The following GOLGA2 variants were observed in gnomAD, a reference collection of about 807,000 sequenced individuals.
GOLGA2 encodes golgin subfamily A member 2.
GOLGA2 carries 49 observed loss-of-function variants against 148.8 expected under a neutral mutation model. The ratio of observed to expected loss-of-function variants is 0.33; its 90% CI spans 0.26 to 0.42. GOLGA2 has a LOEUF of 0.42. Among genes scored for constraint, GOLGA2 ranks in the 10% least tolerant of loss-of-function variants. The probability of loss-of-function intolerance (pLI) is 1.00; values close to 1 mark genes in which losing one functional copy is unlikely to be tolerated. For missense variants in GOLGA2, 1,178 were observed against 1,304.6 expected (o/e 0.90, Z 1.49); for synonymous variants, 501 against 511.8 (o/e 0.98, Z 0.28).
At chr9:128,275,550 T>A in intron 1 of GOLGA2, 2 of 1,226,620 alleles carry the variant, frequency 1.6e-6, no homozygotes, top group Non-Finnish European at 2.1e-6. Flanking sequence ...CCAAAGTCAC[T>A]GGCGAGGGCA....
Position 128,258,070 on chromosome 9 carries a change from A to C in GOLGA2, c.2418T>G (p.Pro806=). 1 of 1,611,160 alleles carries C rather than the reference A, an allele frequency of 6.2e-7. No individual in the cohort carries two copies. Among genetic ancestry groups the C allele is most frequent in the Non-Finnish European group, 8.5e-7 (1 of 1,179,756 alleles). The stretch of plus-strand genomic sequence containing the variant: ...TCCCTGGGGCTGGGGCTGCTGCCTC[A>C]GGCTCCTTCTGGGCCGAGGCCAGCA... ...AHLLASAQKE[P]EAAAPAPGTG... is the part of the protein sequence containing the mutation. Residue 806 remains proline, a synonymous_variant, in exon 23 of 27, where the codon CCT becomes CCG. Coordinates refer to ENST00000611957, the MANE Select transcript of GOLGA2 (RefSeq NM_001366244.2). This position sits in a 1 kb window ranked among gnomAD's most constrained non-coding sequence, Gnocchi z 6.6.
At position 128,258,558 on chromosome 9, in the gene GOLGA2, T is replaced by A. The variant is rs1373807771; in HGVS notation, c.2186A>T (p.Asp729Val). ...CTCCTCATCCTCCTCCTCCTCCCGGTCCAGTCCATCTCCTATGGGGGTGGC... is the reference window on the plus strand; with the variant it reads ...CTCCTCATCCTCCTCCTCCTCCCGGACCAGTCCATCTCCTATGGGGGTGGC... ...MAHPGEGDGL[D>V]REEEEDEEEE... The change falls in exon 22 of 27, where the codon GAC becomes GTC. Residue 729 changes from aspartate to valine, a missense_variant. By Grantham distance (152) the Asp-to-Val change is radical (BLOSUM62 -3). Transcript: ENST00000611957. This position sits in a 1 kb window ranked among gnomAD's most constrained non-coding sequence, Gnocchi z 6.6. 1.9e-6 allele frequency: 3 copies of A among 1,566,576 alleles called. No homozygotes were observed. Among genetic ancestry groups the A allele is most frequent in the Non-Finnish European group, 2.6e-6 (3 of 1,156,674 alleles).
chr9:128,267,913 C>T (rs766311579), intron 6 of GOLGA2, 21 bp downstream of exon 6: 66 of 1,571,956 alleles, frequency 4.2e-5, no homozygotes, highest in Non-Finnish European at 5.3e-5. Flanking sequence ...ACCCCGCTCT[C>T]GGCCTCAGTT....
At position 128,258,345 on chromosome 9, in the gene GOLGA2, G is replaced by A; in HGVS notation, c.2289+110C>T. 1 of 1,190,288 alleles carries A rather than the reference G, an allele frequency of 8.4e-7. No individual in the cohort carries two copies. The highest frequency in any genetic ancestry group is 1.2e-6 in the Non-Finnish European group (1 of 811,748). The allele number at this position is 1,190,288 out of a possible 1,614,324, so 73.7% of individuals were successfully genotyped here. On this transcript the variant is annotated intron_variant, in intron 22 of 26. Coordinates refer to ENST00000611957, the MANE Select transcript of GOLGA2 (RefSeq NM_001366244.2). This position sits in a 1 kb window ranked among gnomAD's most constrained non-coding sequence, Gnocchi z 6.6. ...TGTCTCACCACTGGCTCCCAGGAAA[G>A]GGGTGAGGGTCCGAAGAAATCAGAA...
At position 128,266,274 on chromosome 9, in the gene GOLGA2, G is replaced by C. The variant is rs372567469; in HGVS notation, c.681+13C>G. 5 of 1,608,450 alleles carry C rather than the reference G, an allele frequency of 3.1e-6. No homozygotes were observed. Among genetic ancestry groups the C allele is most frequent in the Non-Finnish European group, 4.3e-6 (5 of 1,175,204 alleles). On this transcript the variant is annotated intron_variant, in intron 9 of 26. Transcript: ENST00000611957. This position sits in a 1 kb window ranked among gnomAD's most constrained non-coding sequence, Gnocchi z 4.2. ...AGCAGTCATGTTGTGAGCAAACAAA[G>C]AAATCACGTTACTTCTTCCAACTGA...
rs1187396479 is a variant in GOLGA2 at position 128,258,622 on chromosome 9, G to C, written c.2174-52C>G. 6 of 1,303,400 alleles carry C rather than the reference G, an allele frequency of 4.6e-6. No individual in the cohort carries two copies. Among genetic ancestry groups the C allele is most frequent in the Non-Finnish European group, 3.2e-6 (3 of 932,038 alleles). 80.7% of individuals were successfully genotyped at this position (1,303,400 alleles called of 1,614,324 possible). A position where few individuals can be genotyped will look rare whatever the true frequency, so the allele number is the denominator to read the frequency against. On this transcript the variant is annotated intron_variant, in intron 21 of 26. Transcript: ENST00000611957. The surrounding 1 kb of genome is among the most constrained non-coding windows in gnomAD (Gnocchi z 6.6). Reference sequence around the variant, plus strand: ...AGACAACCCAACAAGGGTACAGTGGGCCCACCTCTGCCCCCACCCTCACTG... The same window carrying C: ...AGACAACCCAACAAGGGTACAGTGGCCCCACCTCTGCCCCCACCCTCACTG...
In GOLGA2 at chr9:128,257,288, A is replaced by C; in HGVS notation, c.2876-7T>G. The C allele has an allele frequency of 1.2e-6, 2 of 1,611,806 alleles. No individual in the cohort carries two copies. The highest frequency in any genetic ancestry group is 1.7e-6 in the Non-Finnish European group (2 of 1,179,034). On this transcript the variant is annotated splice_region_variant and splice_polypyrimidine_tract_variant and intron_variant, in intron 26 of 26. Coordinates refer to ENST00000611957, the MANE Select transcript of GOLGA2 (RefSeq NM_001366244.2). The surrounding 1 kb of genome is among the most constrained non-coding windows in gnomAD (Gnocchi z 8.0). ...AGGCTCACCTCGCAAAGATCTTTGG[A>C]GAGAGAGAGGCAGGGCTCTGAGTGC...
chr9:128,273,645 G>A, intron 2 of GOLGA2: 1 of 593,162 alleles, frequency 1.7e-6, no homozygotes, highest in Non-Finnish European at 2.9e-6. Context: ...ACAAGTGTAA[G>A]TAAAACAATA....
intron 8 of GOLGA2, 128 bp downstream of exon 8, chr9:128,267,066 C>T (rs1830634984): frequency 5.3e-6 from 4 of 748,334 alleles, no homozygotes; most frequent in Admixed American, 1.9e-5. Context: ...CCAGCTGAGG[C>T]CTGGGCCCCC....
At position 128,266,177 on chromosome 9, in the gene GOLGA2, G is replaced by A; in HGVS notation, c.681+110C>T. 1 of 1,365,656 alleles carries A rather than the reference G, an allele frequency of 7.3e-7. No homozygotes were observed. The highest frequency in any genetic ancestry group is 1.0e-6 in the Non-Finnish European group (1 of 954,746). 84.6% of individuals were successfully genotyped at this position (1,365,656 alleles called of 1,614,324 possible). A position where few individuals can be genotyped will look rare whatever the true frequency, so the allele number is the denominator to read the frequency against. On this transcript the variant is annotated intron_variant, in intron 9 of 26. Coordinates refer to ENST00000611957, the MANE Select transcript of GOLGA2 (RefSeq NM_001366244.2). This position sits in a 1 kb window ranked among gnomAD's most constrained non-coding sequence, Gnocchi z 4.2. ...GGGATGGGGTGGAATCTGGGGGGGT[G>A]AGCCTTCTTCCCCAGGCTGGGAGTG...
chr9:128,268,303 C>A, intron 4 of GOLGA2, 117 bp downstream of exon 4: 1 of 1,043,834 alleles, frequency 9.6e-7, no homozygotes, highest in Non-Finnish European at 1.5e-6. Context: ...TGAGCCTTCC[C>A]CCGGCCCGGT....
At position 128,257,159 on chromosome 9, in the gene GOLGA2, G is replaced by C. The variant is rs113640242; in HGVS notation, c.2998C>G (p.Pro1000Ala). The C allele has an allele frequency of 1.5e-5, 25 of 1,614,042 alleles. No homozygotes were observed. The highest frequency in any genetic ancestry group is 2.7e-5 in the African/African-American group (2 of 74,936). The change falls in exon 27 of 27, where the codon CCC becomes GCC. Residue 1000 changes from proline to alanine, a missense_variant. Coordinates refer to ENST00000611957, the MANE Select transcript of GOLGA2 (RefSeq NM_001366244.2). This position sits in a 1 kb window ranked among gnomAD's most constrained non-coding sequence, Gnocchi z 8.0. The stretch of plus-strand genomic sequence containing the variant: ...CTGCCCAAGCCTGGGCGCTCCCGGG[G>C]GTTCTGCATCTCACGAAGCAGCTGC... ...IMQLLREMQN[P>A]RERPGLGSNP...
At chr9:128,272,222 G>A (rs1304572483) in intron 3 of GOLGA2, among the ~76,000 whole-genome samples, 8 of 151,078 alleles carry the variant, frequency 5.3e-5, no homozygotes, top group South Asian at 2.1e-4. Context: ...AGTGGCTCAC[G>A]CCTGTAATCC....
chr9:128,273,997 T>A (rs1221981339), intron 1 of GOLGA2, 25 bp from the exon 2 acceptor site: 1 of 1,605,918 alleles, frequency 6.2e-7, no homozygotes, highest in East Asian at 2.2e-5. Context: ...AGCAATAATA[T>A]TCATGAGATC....
At position 128,261,563 on chromosome 9, in the gene GOLGA2, T is replaced by C; in HGVS notation, c.1225-2A>G. On this transcript the variant is annotated splice_acceptor_variant, in intron 15 of 26. Transcript: ENST00000611957. LOFTEE classifies it high-confidence loss of function. The surrounding 1 kb of genome is among the most constrained non-coding windows in gnomAD (Gnocchi z 5.7). The stretch of plus-strand genomic sequence containing the variant: ...TAGTTGTCTAACCGACTCCATTACC[T>C]GCAAGAATGGCCACAGAAATGAGGA... 1 of 1,576,102 alleles carries C rather than the reference T, an allele frequency of 6.3e-7. No homozygotes were observed. The highest frequency in any genetic ancestry group is 8.7e-7 in the Non-Finnish European group (1 of 1,145,264).
At position 128,260,802 on chromosome 9, in the gene GOLGA2, G is replaced by C. The variant is rs776010208; in HGVS notation, c.1421C>G (p.Ala474Gly). ...TGGGGGCTCTGGGGGCGGGGGTTCA[G>C]CTGAGAAAGGACGCAGACAATAAAA... ...TSLAELRNQM[A>G]EPPPPEPPAG... The change falls in exon 18 of 27, where the codon GCT becomes GGT. Residue 474 changes from alanine to glycine, a missense_variant and splice_region_variant. By Grantham distance (60) the Ala-to-Gly change is moderately conservative. Transcript: ENST00000611957. The surrounding 1 kb of genome is among the most constrained non-coding windows in gnomAD (Gnocchi z 4.8). The C allele has an allele frequency of 6.3e-7, 1 of 1,591,226 alleles. No individual in the cohort carries two copies. Among genetic ancestry groups the C allele is most frequent in the African/African-American group, 1.3e-5 (1 of 74,392 alleles).
Position 128,261,858 on chromosome 9 carries a change from C to A in GOLGA2, c.1135-101G>T. On this transcript the variant is annotated intron_variant, in intron 14 of 26. Coordinates refer to ENST00000611957, the MANE Select transcript of GOLGA2 (RefSeq NM_001366244.2). This position sits in a 1 kb window ranked among gnomAD's most constrained non-coding sequence, Gnocchi z 5.7. ...GGCTAGGCTCAATGTGCAACTCAGT[C>A]AATACAACTCTGCTGTCAAGTTTCT... The A allele has an allele frequency of 2.8e-6, 2 of 704,196 alleles. No homozygotes were observed. Among genetic ancestry groups the A allele is most frequent in the South Asian group, 1.6e-5 (1 of 63,488 alleles). 43.6% of individuals were successfully genotyped at this position (704,196 alleles called of 1,614,324 possible). A position where few individuals can be genotyped will look rare whatever the true frequency, so the allele number is the denominator to read the frequency against.
chr9:128,257,732 C>G lies in GOLGA2; in HGVS notation c.2612-25G>C. On this transcript the variant is annotated intron_variant, in intron 24 of 26. Coordinates refer to ENST00000611957, the MANE Select transcript of GOLGA2 (RefSeq NM_001366244.2). The surrounding 1 kb of genome is among the most constrained non-coding windows in gnomAD (Gnocchi z 8.0). ...CCTGCGGGAGGACAGGGCTCAGATG[C>G]TGGGTTCCCTCCGACCGCTGTGCAG... is the stretch of plus-strand genomic sequence containing the variant. 1 of 1,611,268 alleles carries G rather than the reference C, an allele frequency of 6.2e-7. No homozygotes were observed. The highest frequency in any genetic ancestry group is 8.5e-7 in the Non-Finnish European group (1 of 1,177,442).
At position 128,266,704 on chromosome 9, in the gene GOLGA2, C is replaced by T. The variant is rs1830614978; in HGVS notation, c.643-379G>A. ...GGTTCTTAATAGCAGGGATACCAGA[C>T]AGAAAAAGACAGACAGGAGCCCTTG... is the stretch of plus-strand genomic sequence containing the variant. On this transcript the variant is annotated intron_variant, in intron 8 of 26. Transcript: ENST00000611957. The surrounding 1 kb of genome is among the most constrained non-coding windows in gnomAD (Gnocchi z 4.2). The T allele has an allele frequency of 8.1e-6, 3 of 371,544 alleles. No homozygotes were observed. The highest frequency in any genetic ancestry group is 9.8e-6 in the Non-Finnish European group (2 of 204,288). 23.0% of individuals were successfully genotyped at this position (371,544 alleles called of 1,614,324 possible). A position where few individuals can be genotyped will look rare whatever the true frequency, so the allele number is the denominator to read the frequency against.
Sources: allele counts gnomAD v4.1 joint callset (sites outside exome capture counted in the v4.1 genomes callset), GRCh38; gene constraint gnomAD v4.1.1; non-coding constraint Gnocchi (gnomAD v3.1); transcripts MANE v1.5; gene names NCBI Gene and HGNC (gene_info 2026-07-23, HGNC 2026-07-21).